Variants in CFD observed in about 807,000 individuals in gnomAD.
CFD encodes C3 convertase activator.
CFD carries 24 observed loss-of-function variants against 21.1 expected under a neutral mutation model. The observed-to-expected ratio is 1.14, with a 90% CI of 0.82 to 1.60. The LOEUF is 1.60. Among genes scored for constraint, CFD ranks in the 40% most tolerant of loss-of-function variants. CFD has a pLI of 0.00. For synonymous variants in CFD, 242 were observed against 175.9 expected, an observed-to-expected ratio of 1.38 and a Z score of -2.97; for missense variants, 535 against 383.3, an observed-to-expected ratio of 1.40 and a Z score of -3.31.
In CFD at chr19:863,190, C is replaced by G; in HGVS notation, c.714C>G (p.Tyr238Ter). ...VCGNRKKPGI[Y>*]TRVASYAAWI... ...GCAACCGCAAGAAGCCCGGGATCTA[C>G]ACCCGCGTGGCGAGCTATGCGGCCT... Residue 238 changes from tyrosine to a stop codon, truncating the protein, a stop_gained, in exon 5 of 5, where the codon TAC becomes TAG. Coordinates refer to ENST00000327726, the MANE Select transcript of CFD (RefSeq NM_001928.4). LOFTEE classifies it low-confidence loss of function (END_TRUNC). 6.5e-7 allele frequency: 1 copy of G among 1,539,472 alleles called. No individual in the cohort carries two copies. Among genetic ancestry groups the G allele is most frequent in the Non-Finnish European group, 8.7e-7 (1 of 1,148,312 alleles).
At chr19:861,660 C>A in intron 3 of CFD, 39 bp from the exon 4 acceptor site, 2 of 1,569,154 alleles carry the variant, frequency 1.3e-6, no homozygotes, top group Non-Finnish European at 1.7e-6. Context: ...CAGCCTCGCA[C>A]CCCCGCACCC....
chr19:860,246 A>C (rs1599299368), intron 1 of CFD, among the ~76,000 whole-genome samples: 1 of 150,926 alleles, frequency 6.6e-6, no homozygotes, highest in African/African-American at 2.4e-5. Flanking sequence ...GCTGGAGTGC[A>C]GTGGTGCGAT....
At chr19:860,829 G>C in intron 2 of CFD, 32 bp from the exon 3 acceptor site, 1 of 1,556,058 alleles carries the variant, frequency 6.4e-7, no homozygotes, top group Non-Finnish European at 8.6e-7. Context: ...GGAGTCGGCT[G>C]GCACCGACCG....
chr19:860,491 C>A (rs1471323757), intron 1 of CFD, 126 bp from the exon 2 acceptor site: 8 of 878,632 alleles, frequency 9.1e-6, no homozygotes, highest in African/African-American at 1.8e-5. Context: ...CAGGCGTGAG[C>A]CACCGCGCCC....
In CFD at chr19:861,682, T is replaced by C; in HGVS notation, c.358-17T>C. The C allele has an allele frequency of 6.3e-7, 1 of 1,590,410 alleles. No individual in the cohort carries two copies. Among genetic ancestry groups the C allele is most frequent in the East Asian group, 2.3e-5 (1 of 43,518 alleles). Reference sequence around the variant, plus strand: ...GCACCCCCGCACCCCAACCCTGACGTCCGCCTCCACCCTCAGCTGTCGGAG... The same window carrying C: ...GCACCCCCGCACCCCAACCCTGACGCCCGCCTCCACCCTCAGCTGTCGGAG... On this transcript the variant is annotated splice_polypyrimidine_tract_variant and intron_variant, in intron 3 of 4. Transcript: ENST00000327726.
Position 863,334 on chromosome 19 carries a change from T to G in CFD, c.*96T>G. The G allele has an allele frequency of 1.4e-6, 2 of 1,426,032 alleles. No individual in the cohort carries two copies. The highest frequency in any genetic ancestry group is 1.2e-5 in the South Asian group (1 of 81,768). 88.3% of individuals were successfully genotyped at this position (1,426,032 alleles called of 1,614,324 possible). A position where few individuals can be genotyped will look rare whatever the true frequency, so the allele number is the denominator to read the frequency against. On this transcript the variant is annotated 3_prime_UTR_variant, in exon 5 of 5. Coordinates refer to ENST00000327726, the MANE Select transcript of CFD (RefSeq NM_001928.4). ...ATCTGGTTGGTCTTTATTGAGCACC[T>G]ACTATATGCAGAAGGGGAGGCCGAG...
rs1340350958 is a variant in CFD, at chr19:863,197, G to C, written c.721G>C (p.Val241Leu). Residue 241 changes from valine to leucine, a missense_variant, in exon 5 of 5, where the codon GTG becomes CTG. Transcript: ENST00000327726. Reference sequence around the variant, plus strand: ...CAAGAAGCCCGGGATCTACACCCGCGTGGCGAGCTATGCGGCCTGGATCGA... The same window carrying C: ...CAAGAAGCCCGGGATCTACACCCGCCTGGCGAGCTATGCGGCCTGGATCGA... ...NRKKPGIYTR[V>L]ASYAAWIDSV... 16 of 1,540,300 alleles carry C rather than the reference G, an allele frequency of 1.0e-5. No homozygotes were observed. The highest frequency in any genetic ancestry group is 1.4e-5 in the African/African-American group (1 of 73,466).
intron 4 of CFD, 62 bp from the exon 5 acceptor site, chr19:863,030 T>C: frequency 6.9e-7 from 1 of 1,451,438 alleles, no homozygotes; most frequent in East Asian, 2.5e-5. Context: ...GGTGAGGGGG[T>C]CTAACACGTG....
Position 860,171 on chromosome 19 carries a change from CGGA to C in CFD, c.55+428_55+430del, listed in dbSNP as rs373339878. Among the ~76,000 whole-genome samples, 553 of 151,778 alleles carry C rather than the reference CGGA, an allele frequency of 3.6e-3. 4 individuals carry two copies. The highest frequency in any genetic ancestry group is 0.013 in the African/African-American group (539 of 41,320). On this transcript the variant is annotated intron_variant, in intron 1 of 4. Coordinates refer to ENST00000327726, the MANE Select transcript of CFD (RefSeq NM_001928.4). ...TTTGCAACGCTGAGGGGCCCCAAGACGGAAACGGGATTCTTTTTTTTCTTTCTT... is the reference window on the plus strand; with the variant it reads ...TTTGCAACGCTGAGGGGCCCCAAGACAACGGGATTCTTTTTTTTCTTTCTT...
chr19:863,635 T>C lies in CFD; in HGVS notation c.*397T>C. ...AAAAAAAAAAAAAAATTCTGCGTGG[T>C]GGCTCACGCCTGTAATCCCAGCACT... On this transcript the variant is annotated 3_prime_UTR_variant, in exon 5 of 5. Coordinates refer to ENST00000327726, the MANE Select transcript of CFD (RefSeq NM_001928.4). 1 of 203,570 alleles carries C rather than the reference T, an allele frequency of 4.9e-6. No homozygotes were observed. The highest frequency in any genetic ancestry group is 1.0e-5 in the Non-Finnish European group (1 of 97,348). The allele number at this position is 203,570 out of a possible 1,614,324, so 12.6% of individuals were successfully genotyped here. A position where few individuals can be genotyped will look rare whatever the true frequency, so the allele number is the denominator to read the frequency against.
rs761268746 is a variant in CFD, at chr19:860,959, C to T, written c.311C>T (p.Pro104Leu). 6.2e-7 allele frequency: 1 copy of T among 1,600,598 alleles called. No homozygotes were observed. Among genetic ancestry groups the T allele is most frequent in the Non-Finnish European group, 8.5e-7 (1 of 1,179,550 alleles). Reference protein sequence around the residue: ...LYDVLRAVPHPDSQPDTIDHD... With the variant: ...LYDVLRAVPHLDSQPDTIDHD... The stretch of plus-strand genomic sequence containing the variant: ...GACGTGCTCCGCGCAGTGCCCCACC[C>T]GGACAGCCAGCCCGACACCATCGAC... Residue 104 changes from proline to leucine, a missense_variant, in exon 3 of 5, where the codon CCG becomes CTG. Transcript: ENST00000327726.
At position 863,288 on chromosome 19, in the gene CFD, AATG is replaced by A; in HGVS notation, c.*52_*54del. 6.5e-7 allele frequency: 1 copy of A among 1,540,194 alleles called. No individual in the cohort carries two copies. The highest frequency in any genetic ancestry group is 8.7e-7 in the Non-Finnish European group (1 of 1,148,554). ...TCACCCAAGCAACAAAGTCCCGAGC[AATG>A]AAGTCATCCACTCCTGCATCTGGTT... On this transcript the variant is annotated 3_prime_UTR_variant, in exon 5 of 5. Transcript: ENST00000327726.
At chr19:860,477 A>C in intron 1 of CFD, 140 bp from the exon 2 acceptor site, 18 of 353,714 alleles carry the variant, frequency 5.1e-5, no homozygotes, top group East Asian at 1.8e-4. Context: ...AAGTGCTGGG[A>C]TTACAGGCGT....
chr19:861,772 C>T lies in CFD; in HGVS notation c.431C>T (p.Pro144Leu), dbSNP rs1358715430. 2.5e-6 allele frequency: 4 copies of T among 1,605,874 alleles called. No homozygotes were observed. Among genetic ancestry groups the T allele is most frequent in the South Asian group, 2.2e-5 (2 of 90,774 alleles). Residue 144 changes from proline to leucine, a missense_variant, in exon 4 of 5, where the codon CCG (proline) becomes CTG (leucine). Transcript: ENST00000327726. Reference protein sequence around the residue: ...PWQRVDRDVAPGTLCDVAGWG... With the variant: ...PWQRVDRDVALGTLCDVAGWG... ...CAGCGCGTGGACCGCGACGTGGCAC[C>T]GGGAACTCTCTGCGACGTGGCCGGC...
chr19:860,441 C>T (rs145145646), intron 1 of CFD, among the ~76,000 whole-genome samples, 176 bp from the exon 2 acceptor site: 5 of 149,344 alleles, frequency 3.3e-5, no homozygotes, highest in East Asian at 2.0e-4. Flanking sequence ...CCCCCCCCTC[C>T]CCCCCCGCCC....
intron 4 of CFD, among the ~76,000 whole-genome samples, chr19:862,531 G>GGAAGGGGCGGGAACCTCT (rs1256664277): frequency 1.3e-5 from 2 of 149,802 alleles, no homozygotes; most frequent in Non-Finnish European, 1.5e-5. Flanking sequence ...CGGGGCAGGT[G>GGAAGGGGCGGGAACCTCT]GAAGGGGCGG....
chr19:862,946 G>C (rs2035827190), intron 4 of CFD, 146 bp from the exon 5 acceptor site: 1 of 783,822 alleles, frequency 1.3e-6, no homozygotes, highest in South Asian at 1.8e-5. Flanking sequence ...GGCGTGGCGC[G>C]GGGCTATTGA....
In CFD at chr19:859,714, G is replaced by A. The variant is rs765239689; in HGVS notation, c.25G>A (p.Val9Ile). Residue 9 changes from valine to isoleucine, a missense_variant, in exon 1 of 5, where the codon GTT (valine) becomes ATT (isoleucine). By Grantham distance (29) the Val-to-Ile change is conservative. Transcript: ENST00000327726. MHSWERLA[V>I]LVLLGAAACA... is the part of the protein sequence containing the mutation. ...CATGCACAGCTGGGAGCGCCTGGCA[G>A]TTCTGGTCCTCCTAGGAGCGGCCGC... 1.3e-6 allele frequency: 2 copies of A among 1,575,202 alleles called. No individual in the cohort carries two copies. The highest frequency in any genetic ancestry group is 2.3e-5 in the South Asian group (2 of 86,012).
rs201046554 is a variant in CFD, at chr19:861,943, G to C, written c.602G>C (p.Arg201Pro). Residue 201 changes from arginine to proline, a missense_variant, in exon 4 of 5, where the codon CGG (arginine) becomes CCG (proline). Arg to Pro is a moderately radical substitution (Grantham distance 103). Transcript: ENST00000327726. ...ERLMCAESNR[R>P]DSCKGDSGGP... Reference sequence around the variant, plus strand: ...TTGATGTGCGCGGAGAGCAATCGCCGGGACAGCTGCAAGGTGAGCCTTCAG... The same window carrying C: ...TTGATGTGCGCGGAGAGCAATCGCCCGGACAGCTGCAAGGTGAGCCTTCAG... 35 of 1,550,818 alleles carry C rather than the reference G, an allele frequency of 2.3e-5. No individual in the cohort carries two copies. In the Middle Eastern group the frequency reaches 5.3e-4, roughly 23 times the overall value.
Sources: allele counts gnomAD v4.1 joint callset (sites outside exome capture counted in the v4.1 genomes callset), GRCh38; gene constraint gnomAD v4.1.1; transcripts MANE v1.5; gene names NCBI Gene and HGNC (gene_info 2026-07-23, HGNC 2026-07-21).